Variants in RBFOX1 observed in about 807,000 individuals in gnomAD.
The protein encoded by RBFOX1 is RNA binding fox-1 homolog 1, also known as RNA binding protein fox-1 homolog 1.
In RBFOX1, 8 loss-of-function variants were observed where a neutral mutation model predicts 57.7. The ratio of observed to expected loss-of-function variants is 0.14; its 90% CI spans 0.08 to 0.25. The LOEUF is 0.25. Ranked by LOEUF, RBFOX1 falls within the 10% of genes least tolerant of loss-of-function variation. The pLI is 1.00. For synonymous variants in RBFOX1, 326 were observed against 222.4 expected, an observed-to-expected ratio of 1.47 and a Z score of -4.15; for missense variants, 611 against 548.5, an observed-to-expected ratio of 1.11 and a Z score of -1.14.
At position 6,562,981 on chromosome 16, in the gene RBFOX1, G is replaced by C. The variant is rs569136168; in HGVS notation, c.-63-91622G>C. On this transcript the variant is annotated intron_variant, in intron 2 of 15. Transcript: ENST00000550418. ...TCCTGGGTATGTCCTTCTGTGCAAT[G>C]TACCTTCCATGAAGCTTACCAGCAT... Among the ~76,000 whole-genome samples, 3 of 144,594 alleles carry C rather than the reference G, an allele frequency of 2.1e-5. No individual in the cohort carries two copies. In the South Asian group the frequency reaches 7.0e-4, roughly 34 times the overall value. 94.9% of individuals were successfully genotyped at this position (144,594 alleles called of 152,430 possible). A position where few individuals can be genotyped will look rare whatever the true frequency, so the allele number is the denominator to read the frequency against.
chr16:5,456,506 A>G (rs1013831223), intron 1 of RBFOX1, among the ~76,000 whole-genome samples: 16 of 152,316 alleles, frequency 1.1e-4, no homozygotes, highest in African/African-American at 3.1e-4. Context: ...CATGATAGCA[A>G]TGATGTTTCT....
intron 3 of RBFOX1, among the ~76,000 whole-genome samples, chr16:5,697,046 G>C (rs1336401812): frequency 6.6e-6 from 1 of 152,044 alleles, no homozygotes; most frequent in Admixed American, 6.6e-5. Flanking sequence ...CCGAGTAGGT[G>C]GGACTACAGG....
intron 3 of RBFOX1, among the ~76,000 whole-genome samples, chr16:7,007,360 G>A (rs887220458): frequency 2.6e-5 from 4 of 152,122 alleles, no homozygotes; most frequent in Admixed American, 2.6e-4. Context: ...GTACCTCATT[G>A]CAGCTGGAGA....
intron 3 of RBFOX1, among the ~76,000 whole-genome samples, chr16:6,692,668 T>C (rs1258024409): frequency 2.0e-5 from 3 of 152,096 alleles, no homozygotes; most frequent in African/African-American, 4.8e-5. Flanking sequence ...TCCACCTGAA[T>C]GTGTTTCCCT....
chr16:6,915,306 G>A (rs1305602470), intron 3 of RBFOX1, among the ~76,000 whole-genome samples: 4 of 152,072 alleles, frequency 2.6e-5, no homozygotes, highest in Non-Finnish European at 5.9e-5. Context: ...TCTGTGTTGC[G>A]GACTAGGGAG....
chr16:5,487,408 T>C (rs895907108), intron 2 of RBFOX1, among the ~76,000 whole-genome samples: 2 of 152,172 alleles, frequency 1.3e-5, no homozygotes, highest in African/African-American at 4.8e-5. Flanking sequence ...TGTGAGAGTT[T>C]CAGATCTTGC....
intron 2 of RBFOX1, among the ~76,000 whole-genome samples, chr16:6,423,589 T>A (rs1272757413): frequency 6.6e-6 from 1 of 152,076 alleles, no homozygotes; most frequent in African/African-American, 2.4e-5. Context: ...GGTGACAGAC[T>A]GAGACTCTGT....
intron 3 of RBFOX1, among the ~76,000 whole-genome samples, chr16:5,797,604 C>A (rs1043939306): frequency 6.6e-6 from 1 of 152,154 alleles, no homozygotes; most frequent in East Asian, 1.9e-4. Flanking sequence ...AATCCTACAT[C>A]CAGTTAAGTG....
intron 2 of RBFOX1, among the ~76,000 whole-genome samples, chr16:6,628,414 T>G (rs1312009166): frequency 6.6e-6 from 1 of 152,226 alleles, no homozygotes; most frequent in African/African-American, 2.4e-5. Context: ...CAGATGTATA[T>G]GTATGAGGCT....
intron 3 of RBFOX1, among the ~76,000 whole-genome samples, chr16:6,747,444 T>TAGTC (rs1232107866): frequency 2.4e-5 from 2 of 83,384 alleles, no homozygotes; most frequent in African/African-American, 4.5e-5. Flanking sequence ...GTCAGTCAGT[T>TAGTC]AGTCTGTCTG....
At chr16:6,244,912 G>T (rs999619252) in intron 1 of RBFOX1, among the ~76,000 whole-genome samples, 3 of 149,490 alleles carry the variant, frequency 2.0e-5, no homozygotes, top group African/African-American at 7.4e-5. Flanking sequence ...TTGGCAAACT[G>T]AATACCCAGT....
At chr16:7,462,019 C>T (rs567905031) in intron 4 of RBFOX1, among the ~76,000 whole-genome samples, 1 of 152,284 alleles carries the variant, frequency 6.6e-6, no homozygotes, top group East Asian at 1.9e-4. Flanking sequence ...TCTCTCCTTA[C>T]GTGCCTGAGG....
At chr16:7,149,262 C>T (rs1444362100) in intron 4 of RBFOX1, among the ~76,000 whole-genome samples, 1 of 151,996 alleles carries the variant, frequency 6.6e-6, no homozygotes, top group Non-Finnish European at 1.5e-5. Flanking sequence ...GAGAGAGTTG[C>T]AATATGACTG....
At position 5,424,947 on chromosome 16, in the gene RBFOX1, TCTTC is replaced by T. The variant is rs2067489425; in HGVS notation, c.220-42265_220-42262del. Reference sequence around the variant, plus strand: ...TCTTTCTTTCTTTCTCTCTCTTCTTTCTTCCTTTGTTTCTTTCTCTTTCTTTCTT... The same window carrying T: ...TCTTTCTTTCTTTCTCTCTCTTCTTTCTTTGTTTCTTTCTCTTTCTTTCTT... On this transcript the variant is annotated intron_variant, in intron 1 of 2. Coordinates refer to the RBFOX1 transcript ENST00000585867. Among the ~76,000 whole-genome samples the T allele has an allele frequency of 5.1e-5, 4 of 79,086 alleles. 1 individual carries two copies. In the South Asian group the frequency reaches 1.4e-3, roughly 27 times the overall value. The allele number at this position is 79,086 out of a possible 152,430, so 51.9% of individuals were successfully genotyped here. A position where few individuals can be genotyped will look rare whatever the true frequency, so the allele number is the denominator to read the frequency against.
Position 7,313,556 on chromosome 16 carries a change from C to T in RBFOX1, c.28-204591C>T, listed in dbSNP as rs115707323. 4.3e-3 allele frequency among the ~76,000 whole-genome samples: 649 copies of T among 150,584 alleles called. 6 individuals carry two copies. The highest frequency in any genetic ancestry group is 0.015 in the African/African-American group (612 of 40,984). On this transcript the variant is annotated intron_variant, in intron 4 of 15. Coordinates refer to ENST00000550418, the MANE Select transcript of RBFOX1 (RefSeq NM_018723.4). ...CAGTAGGAGAGGCAGCTTGTAAGAC[C>T]ATTTAGGTAACGAGATAAGCCAGCC...
chr16:7,350,926 T>A (rs1356562591), intron 4 of RBFOX1, among the ~76,000 whole-genome samples: 1 of 152,146 alleles, frequency 6.6e-6, no homozygotes, highest in Non-Finnish European at 1.5e-5. Flanking sequence ...TCCAAAGGGG[T>A]TACATGCAAA....
At chr16:7,539,887 A>C (rs946708382) in intron 5 of RBFOX1, among the ~76,000 whole-genome samples, 3 of 152,154 alleles carry the variant, frequency 2.0e-5, no homozygotes, top group Admixed American at 6.5e-5. Flanking sequence ...ATACTGGCTT[A>C]TTTCTCCTTT....
chr16:7,148,727 A>G (rs767166912), intron 4 of RBFOX1, among the ~76,000 whole-genome samples: 9 of 152,194 alleles, frequency 5.9e-5, no homozygotes, highest in South Asian at 2.1e-4. Context: ...AAATGAGGCA[A>G]TCGTTTGAGC....
intron 3 of RBFOX1, among the ~76,000 whole-genome samples, chr16:5,698,442 T>G (rs2050916724): frequency 6.6e-6 from 1 of 152,190 alleles, no homozygotes; most frequent in East Asian, 1.9e-4. Flanking sequence ...TACTTTTTCT[T>G]GAGTCCATTT....
Sources: gnomAD v4.1 joint callset for allele counts (sites outside exome capture counted in the v4.1 genomes callset) on GRCh38, gnomAD v4.1.1 for gene constraint, MANE v1.5 for transcripts, NCBI Gene and HGNC (gene_info 2026-07-23, HGNC 2026-07-21) for gene names.